RAP1B: variants seen among roughly 807,000 people sequenced by gnomAD.
RAP1B encodes the protein ras-related protein Rap-1b.
In RAP1B, 1 loss-of-function variant was observed where a neutral mutation model predicts 27.5. The ratio of observed to expected loss-of-function variants is 0.04; its 90% CI spans 0.01 to 0.17. The LOEUF (loss-of-function observed/expected upper bound fraction) is 0.17, where lower values mean the gene tolerates loss of function less well. Ranked by LOEUF, RAP1B falls within the 10% of genes least tolerant of loss-of-function variation. RAP1B has a pLI of 1.00. For missense variants in RAP1B, 84 were observed against 214.8 expected, an observed-to-expected ratio of 0.39 and a Z score of 3.81; for synonymous variants, 75 against 73.1, an observed-to-expected ratio of 1.03 and a Z score of -0.13.
chr12:68,655,186 C>T (rs1167403747), intron 5 of RAP1B, among the ~76,000 whole-genome samples: 1 of 151,948 alleles, frequency 6.6e-6, no homozygotes, highest in African/African-American at 2.4e-5. Flanking sequence ...AGCATGGTGG[C>T]GCGTGCCTGT....
Position 68,615,964 on chromosome 12 carries a change from T to C in RAP1B, c.-27+4921T>C, listed in dbSNP as rs772729076. Among the ~76,000 whole-genome samples the C allele has an allele frequency of 8.6e-4, 83 of 96,224 alleles. 1 individual carries two copies. The highest frequency in any genetic ancestry group is 8.0e-4 in the South Asian group (2 of 2,498). The allele number at this position is 96,224 out of a possible 152,430, so 63.1% of individuals were successfully genotyped here. ...CCATTAAAAACTCTAGTAAATAATT[T>C]GGATTTTTTTTTTTTTTGAGATGGA... is the stretch of plus-strand genomic sequence containing the variant. On this transcript the variant is annotated intron_variant, in intron 1 of 7. Transcript: ENST00000250559.
At chr12:68,627,190 A>T (rs1871857922) in intron 1 of RAP1B, 2 of 1,543,940 alleles carry the variant, frequency 1.3e-6, no homozygotes, top group Non-Finnish European at 1.8e-6. Context: ...TGGAACCTAC[A>T]CTGGGGTAGT....
rs1280924867 is a variant in RAP1B, at chr12:68,664,046, T to G, written c.*4797T>G. ...CGAAGACAGTTTTTACTATGTTGTT[T>G]TACTATGAACCTAGTTTAACCTGAC... On this transcript the variant is annotated 3_prime_UTR_variant, in exon 8 of 8. Transcript: ENST00000250559. The G allele has an allele frequency of 2.0e-5, 3 of 152,230 alleles. No homozygotes were observed. The highest frequency in any genetic ancestry group is 2.0e-4 in the Admixed American group (3 of 15,284). 9.4% of individuals were successfully genotyped at this position (152,230 alleles called of 1,614,324 possible).
chr12:68,663,788 T>G lies in RAP1B; in HGVS notation c.*4539T>G, dbSNP rs1014772793. On this transcript the variant is annotated 3_prime_UTR_variant, in exon 8 of 8. Transcript: ENST00000250559. ...TGCATTCAGTATTCTCTACCGTGTTTCAGGCGCTGTTTACAATATCGGAGG... is the reference window on the plus strand; with the variant it reads ...TGCATTCAGTATTCTCTACCGTGTTGCAGGCGCTGTTTACAATATCGGAGG... 1.3e-5 allele frequency: 2 copies of G among 152,198 alleles called. No individual in the cohort carries two copies. Among genetic ancestry groups the G allele is most frequent in the Non-Finnish European group, 2.9e-5 (2 of 68,036 alleles). The allele number at this position is 152,198 out of a possible 1,614,324, so 9.4% of individuals were successfully genotyped here. A position where few individuals can be genotyped will look rare whatever the true frequency, so the allele number is the denominator to read the frequency against.
chr12:68,632,129 G>GTTTTTTTTTGTTTTTTTTT (rs1872288247), intron 1 of RAP1B, among the ~76,000 whole-genome samples: 1 of 104,414 alleles, frequency 9.6e-6, no homozygotes, highest in African/African-American at 4.3e-5. Flanking sequence ...TTTTGGATTT[G>GTTTTTTTTTGTTTTTTTTT]TTTTTTTTTT....
chr12:68,627,247 G>A (rs1871862968), intron 1 of RAP1B: 6 of 1,205,834 alleles, frequency 5.0e-6, no homozygotes, highest in Non-Finnish European at 7.3e-6. Flanking sequence ...TGTCTCCAGG[G>A]TCCCTTAGAG....
chr12:68,652,131 T>C, intron 4 of RAP1B, 80 bp downstream of exon 4: 1 of 1,105,482 alleles, frequency 9.0e-7, no homozygotes, highest in Non-Finnish European at 1.3e-6. Context: ...TATAGACAAA[T>C]ATTAGTTAAG....
intron 1 of RAP1B, among the ~76,000 whole-genome samples, chr12:68,620,606 CTTT>C (rs71091541): frequency 2.1e-5 from 3 of 143,370 alleles, no homozygotes; most frequent in Non-Finnish European, 1.5e-5. Flanking sequence ...TTTTCCTTTT[CTTT>C]TTTTTTTTTT....
intron 7 of RAP1B, among the ~76,000 whole-genome samples, chr12:68,658,708 G>A (rs926918065): frequency 2.0e-5 from 3 of 152,020 alleles, no homozygotes. Flanking sequence ...ATTATATAAC[G>A]TGATTGTAAA....
chr12:68,658,785 A>G (rs898005485), intron 7 of RAP1B, among the ~76,000 whole-genome samples: 1 of 152,228 alleles, frequency 6.6e-6, no homozygotes, highest in Non-Finnish European at 1.5e-5. Context: ...AGCCACTTTC[A>G]TTGAAAGAGT....
At chr12:68,616,956 C>T (rs1333038835) in intron 1 of RAP1B, among the ~76,000 whole-genome samples, 2 of 151,976 alleles carry the variant, frequency 1.3e-5, no homozygotes, top group African/African-American at 4.8e-5. Context: ...TTTTTCTTTG[C>T]CTTGTAGGAA....
rs549794675 is a variant in RAP1B, at chr12:68,669,935, CTTTTTTTTTTTT to C, written c.*10695_*10706del. ...GACAAAAATATATTTCTTTTTCTTT[CTTTTTTTTTTTT>C]TTTTTTTTGAGACAGTTTCCCTCTT... On this transcript the variant is annotated 3_prime_UTR_variant, in exon 8 of 8. Coordinates refer to ENST00000250559, the MANE Select transcript of RAP1B (RefSeq NM_001010942.3). The C allele has an allele frequency of 1.9e-5, 2 of 105,384 alleles. No homozygotes were observed. The highest frequency in any genetic ancestry group is 3.6e-5 in the Non-Finnish European group (2 of 55,706). 6.5% of individuals were successfully genotyped at this position (105,384 alleles called of 1,614,324 possible). A position where few individuals can be genotyped will look rare whatever the true frequency, so the allele number is the denominator to read the frequency against.
chr12:68,633,118 G>A (rs1270736650), intron 1 of RAP1B, among the ~76,000 whole-genome samples: 1 of 152,120 alleles, frequency 6.6e-6, no homozygotes, highest in African/African-American at 2.4e-5. Flanking sequence ...CATAAGCTGG[G>A]AAAAACATCA....
At chr12:68,632,129 GT>G (rs796286462) in intron 1 of RAP1B, among the ~76,000 whole-genome samples, 3,186 of 104,346 alleles carry the variant, frequency 0.031, 145 homozygotes, top group African/African-American at 0.13. Context: ...TTTTGGATTT[GT>G]TTTTTTTTTT....
At chr12:68,646,302 G>GTT (rs1387360865) in intron 1 of RAP1B, among the ~76,000 whole-genome samples, 6 of 146,300 alleles carry the variant, frequency 4.1e-5, no homozygotes, top group African/African-American at 1.2e-4. Context: ...TTTTTGGTGT[G>GTT]TTTTTTTTTT....
chr12:68,638,801 C>T (rs1436592152), intron 1 of RAP1B, among the ~76,000 whole-genome samples: 3 of 152,034 alleles, frequency 2.0e-5, no homozygotes, highest in Non-Finnish European at 2.9e-5. Flanking sequence ...CCTGGGATTA[C>T]AGGCATGCAC....
chr12:68,617,535 T>G (rs1282052347), intron 1 of RAP1B, among the ~76,000 whole-genome samples: 1 of 152,204 alleles, frequency 6.6e-6, no homozygotes, highest in Non-Finnish European at 1.5e-5. Flanking sequence ...TATGTCTTTT[T>G]GACGTTCTTA....
chr12:68,645,574 C>T (rs1220780091), intron 1 of RAP1B, among the ~76,000 whole-genome samples: 2 of 152,212 alleles, frequency 1.3e-5, no homozygotes, highest in African/African-American at 2.4e-5. Flanking sequence ...ATACGCTATA[C>T]AAATAACAGG....
At chr12:68,618,343 C>T (rs1474001143) in intron 1 of RAP1B, among the ~76,000 whole-genome samples, 4 of 152,126 alleles carry the variant, frequency 2.6e-5, no homozygotes, top group Non-Finnish European at 5.9e-5. Flanking sequence ...CCGCCTCGGC[C>T]TCCCAAAGTG....
Sources: gnomAD v4.1 joint callset for allele counts (sites outside exome capture counted in the v4.1 genomes callset) on GRCh38, gnomAD v4.1.1 for gene constraint, MANE v1.5 for transcripts, NCBI Gene and HGNC (gene_info 2026-07-23, HGNC 2026-07-21) for gene names.